The following TOP6BL variants were observed in gnomAD, a reference collection of about 807,000 sequenced individuals.
TOP6BL encodes type 2 DNA topoisomerase 6 subunit B-like.
chr11:66,793,443 TG>T, the TOP6BL span, among the ~76,000 whole-genome samples: 24 of 146,426 alleles, frequency 1.6e-4, no homozygotes, highest in African/African-American at 4.5e-4. Context: ...TTTCTTTTTT[TG>T]TTTTTTTTTT....
chr11:66,805,372 G>A, the TOP6BL span, among the ~76,000 whole-genome samples: 17 of 152,266 alleles, frequency 1.1e-4, no homozygotes, highest in South Asian at 3.1e-3. Flanking sequence ...GGAGAGATTA[G>A]GGGCAGGGAA....
the TOP6BL span, among the ~76,000 whole-genome samples, chr11:66,785,792 G>T: frequency 1.3e-5 from 2 of 152,108 alleles, no homozygotes; most frequent in Non-Finnish European, 2.9e-5. Flanking sequence ...TTCATGTGTT[G>T]CTCCCTTGCT....
the TOP6BL span, among the ~76,000 whole-genome samples, chr11:66,780,698 G>A: frequency 6.6e-6 from 1 of 151,960 alleles, no homozygotes; most frequent in East Asian, 1.9e-4. Context: ...TTGTGCTTCA[G>A]CCTCCTGAGT....
At chr11:66,832,351 C>T in the TOP6BL span, among the ~76,000 whole-genome samples, 17 of 152,276 alleles carry the variant, frequency 1.1e-4, no homozygotes, top group East Asian at 7.7e-4. Flanking sequence ...CCTCCGGCCT[C>T]GGCCTCCCAA....
chr11:66,832,143 G>T, the TOP6BL span, among the ~76,000 whole-genome samples: 1 of 150,712 alleles, frequency 6.6e-6, no homozygotes, highest in South Asian at 2.1e-4. Context: ...TGTCGCCCAG[G>T]CTGGAGTGCA....
At chr11:66,766,434 T>C in the TOP6BL span, among the ~76,000 whole-genome samples, 1 of 152,236 alleles carries the variant, frequency 6.6e-6, no homozygotes, top group African/African-American at 2.4e-5. Flanking sequence ...TTCTCTTTTT[T>C]CCCCTTTCTT....
At chr11:66,765,369 A>ACTCTTC in the TOP6BL span, among the ~76,000 whole-genome samples, 2 of 152,264 alleles carry the variant, frequency 1.3e-5, no homozygotes, top group Non-Finnish European at 2.9e-5. Flanking sequence ...ACAAAGAGGA[A>ACTCTTC]GTACTGCACA....
chr11:66,819,992 T>C, the TOP6BL span, among the ~76,000 whole-genome samples: 1 of 150,754 alleles, frequency 6.6e-6, no homozygotes, highest in Non-Finnish European at 1.5e-5. Flanking sequence ...GGTGGGAGGA[T>C]CACTTGAGCC....
At chr11:66,760,579 T>C in the TOP6BL span, among the ~76,000 whole-genome samples, 2 of 143,748 alleles carry the variant, frequency 1.4e-5, no homozygotes. Flanking sequence ...GTAGAACTTT[T>C]TGGAGTTCAA....
the TOP6BL span, among the ~76,000 whole-genome samples, chr11:66,804,534 G>GA: frequency 6.6e-6 from 1 of 152,332 alleles, no homozygotes; most frequent in East Asian, 1.9e-4. Flanking sequence ...TGTATAGTAA[G>GA]AAACCATTGA....
chr11:66,795,022 T>A, the TOP6BL span, among the ~76,000 whole-genome samples: 786 of 151,874 alleles, frequency 5.2e-3, 3 homozygotes, highest in African/African-American at 0.018. Flanking sequence ...TAGTCCCAGC[T>A]ACTCAGGAGG....
the TOP6BL span, among the ~76,000 whole-genome samples, chr11:66,819,597 C>T: frequency 2.2e-4 from 34 of 152,206 alleles, no homozygotes; most frequent in East Asian, 6.0e-3. Flanking sequence ...ACAGCGAGAC[C>T]TCGTCTCTAC....
the TOP6BL span, among the ~76,000 whole-genome samples, chr11:66,760,231 C>G: frequency 1.3e-5 from 2 of 150,544 alleles, no homozygotes; most frequent in East Asian, 2.0e-4. Context: ...AGGCAGATTA[C>G]CTAGGTCAGG....
the TOP6BL span, among the ~76,000 whole-genome samples, chr11:66,812,658 A>C: frequency 6.6e-6 from 1 of 152,178 alleles, no homozygotes; most frequent in Admixed American, 6.5e-5. Flanking sequence ...ACCCCATAAG[A>C]AAGAGGATGA....
the TOP6BL span, among the ~76,000 whole-genome samples, chr11:66,782,723 T>C: frequency 3.9e-5 from 6 of 152,198 alleles, no homozygotes; most frequent in African/African-American, 7.2e-5. Flanking sequence ...TTATCCAGTT[T>C]TACAGTAGTT....
the TOP6BL span, among the ~76,000 whole-genome samples, chr11:66,759,907 T>A: frequency 6.6e-6 from 1 of 152,088 alleles, no homozygotes; most frequent in Non-Finnish European, 1.5e-5. Context: ...TTTTTGGACT[T>A]AAGAATACTC....
At chr11:66,832,092 A>C in the TOP6BL span, among the ~76,000 whole-genome samples, 4 of 150,062 alleles carry the variant, frequency 2.7e-5, no homozygotes, top group Non-Finnish European at 5.9e-5. Flanking sequence ...AAGTATGGAC[A>C]CTTTCTTTTT....
the TOP6BL span, among the ~76,000 whole-genome samples, chr11:66,836,278 G>A: frequency 3.9e-5 from 6 of 151,918 alleles, no homozygotes; most frequent in Non-Finnish European, 5.9e-5. Flanking sequence ...GTGCAGTGGC[G>A]CTATCTCGGC....
At chr11:66,772,497 C>T in the TOP6BL span, among the ~76,000 whole-genome samples, 4 of 151,674 alleles carry the variant, frequency 2.6e-5, no homozygotes, top group Non-Finnish European at 4.4e-5. Context: ...GGCCGGGCAC[C>T]GTGGCTCATG....
Sources: allele counts gnomAD v4.1 joint callset (sites outside exome capture counted in the v4.1 genomes callset), GRCh38; gene constraint gnomAD v4.1.1; transcripts MANE v1.5; gene names NCBI Gene and HGNC (gene_info 2026-07-23, HGNC 2026-07-21).